Variants in TDRD3 observed in about 807,000 individuals in gnomAD.
The protein encoded by TDRD3 is tudor domain-containing protein 3.
In TDRD3, 45 loss-of-function variants were observed where a neutral mutation model predicts 86.7. That is an observed-to-expected ratio of 0.52 (90% CI 0.41 to 0.67). The LOEUF (loss-of-function observed/expected upper bound fraction) is 0.67. TDRD3 is among the 30% of genes least tolerant of loss of function. The pLI is 0.00. For missense variants in TDRD3, 814 were observed against 889.0 expected, an observed-to-expected ratio of 0.92 and a Z score of 1.07; for synonymous variants, 298 against 301.7, an observed-to-expected ratio of 0.99 and a Z score of 0.13.
rs1286994959 is a variant in TDRD3, at chr13:60,444,763, TA to T, written c.192+17del. 7.2e-7 allele frequency: 1 copy of T among 1,383,314 alleles called. No homozygotes were observed. Among genetic ancestry groups the T allele is most frequent in the South Asian group, 1.5e-5 (1 of 68,234 alleles). The allele number at this position is 1,383,314 out of a possible 1,614,324, so 85.7% of individuals were successfully genotyped here. A position where few individuals can be genotyped will look rare whatever the true frequency, so the allele number is the denominator to read the frequency against. Reference sequence around the variant, plus strand: ...AGGTAGAAAAGGTAAAGAAAATCAATAACTTCTTACATTAATTAATTTAGTT... The same window carrying T: ...AGGTAGAAAAGGTAAAGAAAATCAATACTTCTTACATTAATTAATTTAGTT... On this transcript the variant is annotated intron_variant, in intron 3 of 13. Coordinates refer to ENST00000377881, the MANE Select transcript of TDRD3 (RefSeq NM_001146070.2).
At chr13:60,449,987 A>G (rs746888993) in intron 3 of TDRD3, among the ~76,000 whole-genome samples, 2 of 152,062 alleles carry the variant, frequency 1.3e-5, no homozygotes, top group Non-Finnish European at 2.9e-5. Flanking sequence ...AGTGAATTCT[A>G]ATAATTCTTG....
chr13:60,535,876 T>A (rs1389609656), intron 12 of TDRD3: 4 of 152,120 alleles, frequency 2.6e-5, no homozygotes, highest in Non-Finnish European at 5.9e-5. Flanking sequence ...ATAGATTGAT[T>A]CTTACATTTA....
chr13:60,542,670 G>T (rs924675768), intron 12 of TDRD3, among the ~76,000 whole-genome samples: 1 of 152,132 alleles, frequency 6.6e-6, no homozygotes, highest in Non-Finnish European at 1.5e-5. Context: ...ACCATAATGA[G>T]TTGTCAGTTG....
chr13:60,466,745 G>T (rs1273219427), intron 4 of TDRD3, among the ~76,000 whole-genome samples: 8 of 151,776 alleles, frequency 5.3e-5, no homozygotes, highest in African/African-American at 1.9e-4. Context: ...TCAAAATTGT[G>T]CCACTGCCCA....
chr13:60,397,439 G>T (rs1324410666), intron 1 of TDRD3, 34 bp downstream of exon 1: 55 of 1,477,152 alleles, frequency 3.7e-5, no homozygotes, highest in Non-Finnish European at 4.9e-5. Context: ...GCCGGGCCGC[G>T]GGTGCGGGCC....
intron 10 of TDRD3, among the ~76,000 whole-genome samples, chr13:60,521,505 T>G (rs1258853017): frequency 6.6e-6 from 1 of 152,156 alleles, no homozygotes; most frequent in Non-Finnish European, 1.5e-5. Flanking sequence ...GAGATACCTA[T>G]AGTCACTAAA....
intron 10 of TDRD3, among the ~76,000 whole-genome samples, chr13:60,512,539 A>G (rs1385221669): frequency 1.3e-5 from 2 of 152,216 alleles, no homozygotes. Context: ...AGCCTGAAAA[A>G]TCAAAAGCAA....
chr13:60,549,502 C>T (rs778567147), intron 12 of TDRD3, among the ~76,000 whole-genome samples: 13 of 152,018 alleles, frequency 8.6e-5, no homozygotes, highest in Non-Finnish European at 1.8e-4. Flanking sequence ...CCTTCTAGAG[C>T]TCATCTTTAT....
chr13:60,403,289 A>C (rs1023733662), intron 1 of TDRD3, among the ~76,000 whole-genome samples: 1 of 152,234 alleles, frequency 6.6e-6, no homozygotes, highest in South Asian at 2.1e-4. Flanking sequence ...TTGCTAAATC[A>C]ACTAAAATTG....
chr13:60,400,692 T>G (rs9528129), intron 1 of TDRD3, among the ~76,000 whole-genome samples: 1 of 150,836 alleles, frequency 6.6e-6, no homozygotes, highest in Non-Finnish European at 1.5e-5. Flanking sequence ...GAGTCGAGAT[T>G]GCACCATTGC....
At chr13:60,531,173 C>T (rs1957575289) in intron 11 of TDRD3, among the ~76,000 whole-genome samples, 1 of 152,012 alleles carries the variant, frequency 6.6e-6, no homozygotes, top group South Asian at 2.1e-4. Flanking sequence ...AAAAGCCTTC[C>T]CAGGAATACC....
intron 12 of TDRD3, chr13:60,537,322 A>T (rs1957717820): frequency 6.6e-6 from 1 of 152,066 alleles, no homozygotes; most frequent in Non-Finnish European, 1.5e-5. Flanking sequence ...TAGTTGAGAG[A>T]AATATCTCCT....
intron 3 of TDRD3, among the ~76,000 whole-genome samples, chr13:60,447,223 G>A (rs1455660226): frequency 1.3e-5 from 2 of 152,116 alleles, no homozygotes; most frequent in East Asian, 3.9e-4. Context: ...AGCAGAGGAG[G>A]CATGGTTGTG....
At chr13:60,573,023 C>T (rs528994153) in intron 13 of TDRD3, among the ~76,000 whole-genome samples, 11 of 152,262 alleles carry the variant, frequency 7.2e-5, no homozygotes, top group African/African-American at 2.4e-4. Context: ...TCCACTAGTC[C>T]CTGCCTAAGC....
chr13:60,544,667 A>T (rs746934545), intron 12 of TDRD3, among the ~76,000 whole-genome samples: 16 of 152,200 alleles, frequency 1.1e-4, no homozygotes, highest in Non-Finnish European at 1.9e-4. Context: ...TGTTATTCAG[A>T]ACCTTCTAAA....
In TDRD3 at chr13:60,467,335, G is replaced by C; in HGVS notation, c.451G>C (p.Gly151Arg). Reference protein sequence around the residue: ...LLNDSNTTVLGGEVEHLIEKW... With the variant: ...LLNDSNTTVLRGEVEHLIEKW... ...GAATGACTCTAACACCACAGTTCTT[G>C]GTGGTGAAGTGGAACACCTTATTGA... Residue 151 changes from glycine (G) to arginine (R), a missense_variant, in exon 5 of 14, where the codon GGT (glycine) becomes CGT (arginine). Transcript: ENST00000377881. The C allele has an allele frequency of 3.7e-6, 6 of 1,613,850 alleles. No individual in the cohort carries two copies. The highest frequency in any genetic ancestry group is 5.1e-6 in the Non-Finnish European group (6 of 1,179,846).
At chr13:60,399,460 G>T (rs1297726494) in intron 1 of TDRD3, among the ~76,000 whole-genome samples, 1 of 152,152 alleles carries the variant, frequency 6.6e-6, no homozygotes, top group East Asian at 1.9e-4. Context: ...TTCCTGCTAG[G>T]TCTCGAACAG....
intron 2 of TDRD3, among the ~76,000 whole-genome samples, chr13:60,444,320 A>G (rs1031597858): frequency 5.3e-5 from 8 of 149,624 alleles, no homozygotes; most frequent in Admixed American, 3.3e-4. Context: ...AAAACATACT[A>G]TGTATATGTA....
chr13:60,437,622 C>T (rs1281290880), intron 1 of TDRD3, among the ~76,000 whole-genome samples: 1 of 150,632 alleles, frequency 6.6e-6, no homozygotes, highest in African/African-American at 2.4e-5. Context: ...TATAAATAAT[C>T]TATTATAATT....
Sources: allele counts gnomAD v4.1 joint callset (sites outside exome capture counted in the v4.1 genomes callset), GRCh38; gene constraint gnomAD v4.1.1; transcripts MANE v1.5; gene names NCBI Gene and HGNC (gene_info 2026-07-23, HGNC 2026-07-21).